TGFBR1: variants seen among roughly 807,000 people sequenced by gnomAD.
The protein encoded by TGFBR1 is transforming growth factor beta receptor 1.
A neutral mutation model predicts 55.1 loss-of-function variants in TGFBR1; 20 were observed. The observed-to-expected ratio is 0.36, with a 90% CI of 0.26 to 0.53. TGFBR1 has a LOEUF of 0.53. TGFBR1 is among the 20% of genes least tolerant of loss of function. TGFBR1 has a pLI of 0.91. For missense variants in TGFBR1, 385 were observed against 617.6 expected (o/e 0.62, Z 3.99); for synonymous variants, 220 against 214.8 (o/e 1.02, Z -0.21).
intron 1 of TGFBR1, among the ~76,000 whole-genome samples, chr9:99,118,789 G>A (rs914152818): frequency 2.6e-5 from 4 of 151,700 alleles, no homozygotes; most frequent in Admixed American, 6.6e-5. Context: ...TGGGACTACA[G>A]GTGCGTGCCA....
At chr9:99,108,398 C>G (rs1303024550) in intron 1 of TGFBR1, among the ~76,000 whole-genome samples, 2 of 152,236 alleles carry the variant, frequency 1.3e-5, no homozygotes, top group African/African-American at 4.8e-5. Context: ...GTTCAATAAG[C>G]AGTTCCCACT....
Position 99,144,760 on chromosome 9 carries a change from G to A in TGFBR1, c.1002G>A (p.Leu334=). The change falls in exon 6 of 9, where the codon TTG becomes TTA. Residue 334 remains leucine (L), a synonymous_variant. Transcript: ENST00000374994. The stretch of plus-strand genomic sequence containing the variant: ...AGCCAGCCATTGCTCATAGAGATTT[G>A]AAATCAAAGAATATCTTGGTAAAGA... ...QGKPAIAHRD[L]KSKNILVKKN... is the part of the protein sequence containing the mutation. The A allele has an allele frequency of 6.2e-7, 1 of 1,613,856 alleles. No homozygotes were observed. Among genetic ancestry groups the A allele is most frequent in the Non-Finnish European group, 8.5e-7 (1 of 1,179,890 alleles).
chr9:99,116,339 C>T (rs1010785430), intron 1 of TGFBR1, among the ~76,000 whole-genome samples: 2 of 152,138 alleles, frequency 1.3e-5, no homozygotes, highest in South Asian at 2.1e-4. Flanking sequence ...GAAAACTCTG[C>T]GAGGACCAAC....
chr9:99,149,557 T>C lies in TGFBR1; in HGVS notation c.*252T>C, dbSNP rs201563225. ...ATGTGTAGTCTACCTTTATTTTTTA[T>C]TAACAAAACTTGTTTTTTAAAAAGA... is the stretch of plus-strand genomic sequence containing the variant. On this transcript the variant is annotated 3_prime_UTR_variant, in exon 9 of 9. Coordinates refer to ENST00000374994, the MANE Select transcript of TGFBR1 (RefSeq NM_004612.4). 2.2e-6 allele frequency: 1 copy of C among 453,544 alleles called. No homozygotes were observed. The highest frequency in any genetic ancestry group is 4.0e-6 in the Non-Finnish European group (1 of 249,662). 28.1% of individuals were successfully genotyped at this position (453,544 alleles called of 1,614,324 possible). A position where few individuals can be genotyped will look rare whatever the true frequency, so the allele number is the denominator to read the frequency against.
chr9:99,132,053 G>A (rs923901485), intron 2 of TGFBR1, among the ~76,000 whole-genome samples: 6 of 149,440 alleles, frequency 4.0e-5, no homozygotes, highest in Admixed American at 2.7e-4. Context: ...TTTTTTTTTC[G>A]CTTGTTTTGA....
intron 1 of TGFBR1, among the ~76,000 whole-genome samples, chr9:99,110,049 G>T (rs1209121233): frequency 6.6e-6 from 1 of 152,102 alleles, no homozygotes; most frequent in Non-Finnish European, 1.5e-5. Context: ...TGCTTTCCAG[G>T]TAAGTTTCTT....
At chr9:99,117,188 A>G (rs552242065) in intron 1 of TGFBR1, among the ~76,000 whole-genome samples, 15 of 151,788 alleles carry the variant, frequency 9.9e-5, no homozygotes, top group Admixed American at 2.6e-4. Flanking sequence ...CCTGGGTTCA[A>G]GTGATTCTCC....
rs1051988941 is a variant in TGFBR1 at position 99,137,789 on chromosome 9, G to A, written c.575-70G>A. ...TATCAGTTTTCTGGGTCACTCATTA[G>A]TGCCTATCATGATGTTTGAAACATG... On this transcript the variant is annotated intron_variant, in intron 3 of 8. Transcript: ENST00000374994. The A allele has an allele frequency of 5.8e-5, 75 of 1,283,046 alleles. No homozygotes were observed. In the Admixed American group the frequency reaches 1.3e-3, roughly 22 times the overall value. The allele number at this position is 1,283,046 out of a possible 1,614,324, so 79.5% of individuals were successfully genotyped here.
chr9:99,143,666 C>A (rs1470541643), intron 5 of TGFBR1, among the ~76,000 whole-genome samples: 1 of 152,174 alleles, frequency 6.6e-6, no homozygotes, highest in African/African-American at 2.4e-5. Context: ...TTATAATTCA[C>A]ATCATAAAGT....
At chr9:99,116,959 G>T (rs1187269759) in intron 1 of TGFBR1, among the ~76,000 whole-genome samples, 1 of 152,182 alleles carries the variant, frequency 6.6e-6, no homozygotes, top group Non-Finnish European at 1.5e-5. Flanking sequence ...TGCAAATATA[G>T]AAATAATACA....
intron 6 of TGFBR1, 56 bp from the exon 7 acceptor site, chr9:99,146,429 C>G (rs1439636771): frequency 1.2e-6 from 2 of 1,608,718 alleles, no homozygotes; most frequent in Non-Finnish European, 1.7e-6. Context: ...GGAGGTTCAT[C>G]CAAATATGGC....
intron 1 of TGFBR1, among the ~76,000 whole-genome samples, chr9:99,109,875 T>G (rs1826513304): frequency 6.6e-6 from 1 of 152,208 alleles, no homozygotes; most frequent in African/African-American, 2.4e-5. Flanking sequence ...TTTTGGAGTC[T>G]TCTCAGAATT....
At chr9:99,132,302 G>A (rs958013463) in intron 2 of TGFBR1, among the ~76,000 whole-genome samples, 1 of 152,168 alleles carries the variant, frequency 6.6e-6, no homozygotes, top group Non-Finnish European at 1.5e-5. Context: ...TGCTGACAGA[G>A]CTGGTGTGCA....
chr9:99,146,630 C>T (rs2118829725), intron 7 of TGFBR1, 21 bp downstream of exon 7: 2 of 1,613,764 alleles, frequency 1.2e-6, no homozygotes, highest in African/African-American at 1.3e-5. Flanking sequence ...CTCCTCTCCC[C>T]CAGTAGTTTG....
At chr9:99,105,066 A>C (rs1826359512), upstream of TGFBR1, 167 of 457,812 alleles carry the variant, frequency 3.6e-4, no homozygotes, top group Non-Finnish European at 4.4e-4. Context: ...CAGCCAATGG[A>C]CGCGCGTCCT....
intron 1 of TGFBR1, among the ~76,000 whole-genome samples, chr9:99,109,672 C>A (rs1328246425): frequency 6.6e-6 from 1 of 152,200 alleles, no homozygotes; most frequent in African/African-American, 2.4e-5. Flanking sequence ...TGTCGACACA[C>A]CTCTTGCCTT....
intron 2 of TGFBR1, 107 bp downstream of exon 2, chr9:99,129,207 C>T (rs182708187): frequency 8.7e-6 from 11 of 1,257,834 alleles, no homozygotes; most frequent in East Asian, 2.5e-5. Context: ...CAGCTCATTC[C>T]GTTTAGAGGC....
intron 3 of TGFBR1, among the ~76,000 whole-genome samples, chr9:99,136,446 T>C (rs1408561951): frequency 1.4e-4 from 22 of 152,234 alleles, no homozygotes; most frequent in African/African-American, 4.8e-5. Flanking sequence ...AGTGTACTTT[T>C]AAGTCTGTGG....
intron 1 of TGFBR1, among the ~76,000 whole-genome samples, chr9:99,123,250 G>A (rs1588570781): frequency 1.3e-5 from 2 of 152,082 alleles, no homozygotes; most frequent in East Asian, 3.8e-4. Flanking sequence ...CTGGAGGCTG[G>A]AGTTTTCTTT....
Sources: gnomAD v4.1 joint callset for allele counts (sites outside exome capture counted in the v4.1 genomes callset) on GRCh38, gnomAD v4.1.1 for gene constraint, MANE v1.5 for transcripts, NCBI Gene and HGNC (gene_info 2026-07-23, HGNC 2026-07-21) for gene names.